GRM5: variants seen among roughly 807,000 people sequenced by gnomAD.
GRM5 encodes metabotropic glutamate receptor 5.
Under a neutral mutation model 83.1 loss-of-function variants are expected in GRM5, and 19 were observed. The ratio of observed to expected loss-of-function variants is 0.23; its 90% CI spans 0.16 to 0.34. The LOEUF (loss-of-function observed/expected upper bound fraction) is 0.34, where lower values mean the gene tolerates loss of function less well. GRM5 is among the 10% of genes least tolerant of loss of function. GRM5 has a pLI of 1.00. For synonymous variants in GRM5, 675 were observed against 633.6 expected (o/e 1.07, Z -0.98); for missense variants, 1,160 against 1,588.3 (o/e 0.73, Z 4.58).
intron 3 of GRM5, among the ~76,000 whole-genome samples, chr11:88,727,664 G>T (rs112736145): frequency 0.034 from 5,171 of 152,244 alleles, 157 homozygotes; most frequent in African/African-American, 0.083. Context: ...AAATGCAAAA[G>T]AATGGAAATC....
intron 2 of GRM5, among the ~76,000 whole-genome samples, chr11:88,986,794 A>G (rs1056192816): frequency 2.0e-5 from 3 of 146,996 alleles, no homozygotes; most frequent in Admixed American, 6.8e-5. Flanking sequence ...GGGAAGACCA[A>G]TTTCAAGAAT....
At chr11:88,576,263 GCTGA>G (rs1165130060) in intron 7 of GRM5, among the ~76,000 whole-genome samples, 1 of 152,096 alleles carries the variant, frequency 6.6e-6, no homozygotes, top group Non-Finnish European at 1.5e-5. Flanking sequence ...ATTCCCTGAA[GCTGA>G]CTGACAGGTT....
chr11:88,794,119 T>C (rs1943230603), intron 3 of GRM5, among the ~76,000 whole-genome samples: 1 of 152,158 alleles, frequency 6.6e-6, no homozygotes, highest in Admixed American at 6.5e-5. Flanking sequence ...TGAGAGATAA[T>C]TAATATAATG....
intron 4 of GRM5, among the ~76,000 whole-genome samples, chr11:88,631,496 C>T (rs967558318): frequency 7.2e-5 from 11 of 152,240 alleles, no homozygotes; most frequent in African/African-American, 2.6e-4. Context: ...TCTTGAGATC[C>T]TTTCATAGGA....
chr11:88,739,568 G>T (rs529159089), intron 3 of GRM5, among the ~76,000 whole-genome samples: 3 of 151,926 alleles, frequency 2.0e-5, no homozygotes, highest in Non-Finnish European at 4.4e-5. Context: ...TAATTCCCAC[G>T]TGGGGAGGGT....
intron 6 of GRM5, among the ~76,000 whole-genome samples, chr11:88,591,421 G>T (rs1937637619): frequency 1.3e-5 from 2 of 152,122 alleles, no homozygotes; most frequent in African/African-American, 2.4e-5. Context: ...GAAAATAATT[G>T]AAATAATTTA....
intron 2 of GRM5, among the ~76,000 whole-genome samples, chr11:88,889,394 T>C (rs561406028): frequency 2.8e-4 from 43 of 152,276 alleles, no homozygotes; most frequent in African/African-American, 9.6e-4. Flanking sequence ...TCTCTTTCAC[T>C]GTCTCAGTCA....
intron 9 of GRM5, among the ~76,000 whole-genome samples, chr11:88,519,478 C>A (rs534109517): frequency 3.9e-5 from 6 of 152,006 alleles, no homozygotes; most frequent in Non-Finnish European, 8.8e-5. Flanking sequence ...ATTGCAGAAT[C>A]AGACTGAGTT....
intron 3 of GRM5, among the ~76,000 whole-genome samples, chr11:88,734,428 T>TA (rs1251189449): frequency 6.6e-6 from 1 of 151,970 alleles, no homozygotes; most frequent in Non-Finnish European, 1.5e-5. Context: ...TACCATATAA[T>TA]ACAACAATCC....
chr11:88,561,986 C>T (rs1942767933), intron 8 of GRM5, among the ~76,000 whole-genome samples: 2 of 152,128 alleles, frequency 1.3e-5, no homozygotes, highest in South Asian at 4.1e-4. Context: ...TTCGTCTAGC[C>T]CCCTTCTCAC....
intron 4 of GRM5, among the ~76,000 whole-genome samples, chr11:88,613,605 A>G: frequency 6.6e-6 from 1 of 152,208 alleles, no homozygotes. Context: ...TCCTGAAGTT[A>G]GCAGACAGTT....
chr11:88,742,625 G>A (rs964398554), intron 3 of GRM5, among the ~76,000 whole-genome samples: 2 of 152,130 alleles, frequency 1.3e-5, no homozygotes, highest in South Asian at 4.1e-4. Flanking sequence ...AGCCTATGAG[G>A]AGAGGGAGAA....
rs1462103470 is a variant in GRM5 at position 88,933,246 on chromosome 11, T to G, written c.662-83091A>C. On this transcript the variant is annotated intron_variant, in intron 2 of 9. Transcript: ENST00000305447. ...TTGATTTGCCAGTGGAACAGAATTG[T>G]GTTATCCTTCTCCTCAAGTAACATC... Among the ~76,000 whole-genome samples the G allele has an allele frequency of 6.8e-5, 10 of 147,304 alleles. No individual in the cohort carries two copies. The East Asian group carries it at 2.0e-3, about 30-fold the overall frequency.
At chr11:89,015,201 TC>T (rs1940820757) in intron 2 of GRM5, among the ~76,000 whole-genome samples, 1 of 152,222 alleles carries the variant, frequency 6.6e-6, no homozygotes, top group African/African-American at 2.4e-5. Context: ...TCATAAAATT[TC>T]ATAAGCCTAT....
rs139711934 is a variant in GRM5, at chr11:88,653,235, C to T, written c.1080G>A (p.Gln360=). The T allele has an allele frequency of 4.3e-6, 7 of 1,613,006 alleles. No individual in the cohort carries two copies. Among genetic ancestry groups the T allele is most frequent in the Admixed American group, 3.3e-5 (2 of 59,872 alleles). ...HRNPWFQEFW[Q]HRFQCRLEGF... ...CTTCCAGTCGGCACTGAAAACGATG[C>T]TGCCAAAATTCTTGAAACCAAGGGT... is the stretch of plus-strand genomic sequence containing the variant. The change falls in exon 4 of 10, where the codon CAG becomes CAA. Residue 360 remains glutamine (Q), a synonymous_variant. Transcript: ENST00000305447.
chr11:89,014,895 C>T (rs956833114), intron 2 of GRM5, among the ~76,000 whole-genome samples: 16 of 152,108 alleles, frequency 1.1e-4, no homozygotes, highest in South Asian at 2.1e-4. Context: ...GTTCTGGCAC[C>T]GCCTACTTCT....
At position 88,702,306 on chromosome 11, in the gene GRM5, G is replaced by A. The variant is rs549347826; in HGVS notation, c.912-48903C>T. Among the ~76,000 whole-genome samples, 5 of 152,108 alleles carry A rather than the reference G, an allele frequency of 3.3e-5. No individual in the cohort carries two copies. The South Asian group carries it at 1.0e-3, about 32-fold the overall frequency. On this transcript the variant is annotated intron_variant, in intron 3 of 9. Coordinates refer to ENST00000305447, the MANE Select transcript of GRM5 (RefSeq NM_001143831.3). ...AAAAGGAATAAATACCTCAAACTGGGCCTACCCTGAAAGGTTATCCAGCTC... is the reference window on the plus strand; with the variant it reads ...AAAAGGAATAAATACCTCAAACTGGACCTACCCTGAAAGGTTATCCAGCTC...
At chr11:89,052,084 A>C (rs1941773407) in intron 1 of GRM5, among the ~76,000 whole-genome samples, 2 of 152,202 alleles carry the variant, frequency 1.3e-5, no homozygotes, top group African/African-American at 4.8e-5. Flanking sequence ...GTAGACTAGC[A>C]CATAAACACG....
intron 3 of GRM5, among the ~76,000 whole-genome samples, chr11:88,816,359 T>C (rs560998408): frequency 2.0e-5 from 3 of 148,730 alleles, no homozygotes; most frequent in African/African-American, 7.4e-5. Context: ...GCCAACATAG[T>C]GAAGCCCCAT....
Sources: gnomAD v4.1 joint callset for allele counts (sites outside exome capture counted in the v4.1 genomes callset) on GRCh38, gnomAD v4.1.1 for gene constraint, MANE v1.5 for transcripts, NCBI Gene and HGNC (gene_info 2026-07-23, HGNC 2026-07-21) for gene names.